Variants in SCAPER observed in about 807,000 individuals in gnomAD.
SCAPER encodes the protein S phase cyclin A-associated protein in the endoplasmic reticulum.
Under a neutral mutation model 182.2 loss-of-function variants are expected in SCAPER, and 98 were observed. The ratio of observed to expected loss-of-function variants is 0.54; its 90% CI spans 0.46 to 0.64. The LOEUF (loss-of-function observed/expected upper bound fraction) is 0.64. Ranked by LOEUF, SCAPER falls within the 30% of genes least tolerant of loss-of-function variation. SCAPER has a pLI of 0.00. For missense variants in SCAPER, 1,432 were observed against 1,690.0 expected, an observed-to-expected ratio of 0.85 and a Z score of 2.68; for synonymous variants, 605 against 564.6, an observed-to-expected ratio of 1.07 and a Z score of -1.01.
chr15:76,729,289 T>TACACACACACAC (rs1166540568), intron 16 of SCAPER, among the ~76,000 whole-genome samples: 1 of 101,746 alleles, frequency 9.8e-6, no homozygotes, highest in African/African-American at 4.5e-5. Context: ...CACATATATA[T>TACACACACACAC]ACACATACAC....
chr15:76,590,194 C>G (rs1257150673), intron 22 of SCAPER, among the ~76,000 whole-genome samples: 1 of 152,164 alleles, frequency 6.6e-6, no homozygotes, highest in East Asian at 1.9e-4. Flanking sequence ...GCAATTTAGT[C>G]CCGCCTCCTA....
chr15:76,824,058 AC>A (rs2067790634), intron 5 of SCAPER, among the ~76,000 whole-genome samples: 1 of 152,214 alleles, frequency 6.6e-6, no homozygotes, highest in African/African-American at 2.4e-5. Flanking sequence ...TCAGAGTGGT[AC>A]CACGCAGCTG....
At chr15:76,609,515 C>A (rs2050787247) in intron 22 of SCAPER, among the ~76,000 whole-genome samples, 1 of 152,084 alleles carries the variant, frequency 6.6e-6, no homozygotes, top group Non-Finnish European at 1.5e-5. Flanking sequence ...AAAAAATTAT[C>A]TCCCAGCTTA....
chr15:76,786,492 C>T (rs927004132), intron 8 of SCAPER, among the ~76,000 whole-genome samples: 1 of 152,128 alleles, frequency 6.6e-6, no homozygotes, highest in Non-Finnish European at 1.5e-5. Flanking sequence ...GTAACTTCCT[C>T]AACTTGATAA....
intron 15 of SCAPER, among the ~76,000 whole-genome samples, chr15:76,743,591 C>T (rs988460682): frequency 6.6e-6 from 1 of 151,510 alleles, no homozygotes; most frequent in Non-Finnish European, 1.5e-5. Flanking sequence ...TACAGCTAAC[C>T]AAAGAGGTGA....
intron 27 of SCAPER, among the ~76,000 whole-genome samples, chr15:76,394,717 G>A (rs1039472114): frequency 3.9e-5 from 6 of 152,086 alleles, no homozygotes; most frequent in African/African-American, 1.4e-4. Context: ...ATTTTTGTGG[G>A]TACACAGTAG....
In SCAPER at chr15:76,595,809, A is replaced by G. The variant is rs753648954; in HGVS notation, c.2712-21525T>C. On this transcript the variant is annotated intron_variant, in intron 22 of 31. Transcript: ENST00000563290. ...TTCCAGAATCTCTGGGACACTGCCA[A>G]AGCAGAGTTTAGAGGGAAATTTATA... 5.6e-4 allele frequency among the ~76,000 whole-genome samples: 69 copies of G among 122,738 alleles called. 21 individuals are homozygous for G. Among genetic ancestry groups the G allele is most frequent in the Non-Finnish European group, 1.1e-3 (57 of 50,468 alleles). 80.5% of individuals were successfully genotyped at this position (122,738 alleles called of 152,430 possible).
At chr15:76,770,612 T>C (rs1046535447) in intron 10 of SCAPER, among the ~76,000 whole-genome samples, 1 of 152,186 alleles carries the variant, frequency 6.6e-6, no homozygotes, top group Non-Finnish European at 1.5e-5. Flanking sequence ...AGTTTATATA[T>C]GTGATGAAAA....
chr15:76,900,932 T>C (rs1205063493), intron 1 of SCAPER, among the ~76,000 whole-genome samples: 1 of 152,360 alleles, frequency 6.6e-6, no homozygotes, highest in African/African-American at 2.4e-5. Context: ...CTGTCACCCA[T>C]GTTTTTGCCT....
chr15:76,486,541 C>T (rs1213366449), intron 24 of SCAPER, among the ~76,000 whole-genome samples: 1 of 151,824 alleles, frequency 6.6e-6, no homozygotes, highest in East Asian at 1.9e-4. Context: ...AAAAAGTAGG[C>T]GAAGGACATA....
chr15:76,596,997 T>C lies in SCAPER; in HGVS notation c.2712-22713A>G, dbSNP rs1334202976. ...GAGAAAGAAATAAAGAGTATTCAAA[T>C]AGGAAGAGAGGAAGTCAAATTGTCT... On this transcript the variant is annotated intron_variant, in intron 22 of 31. Transcript: ENST00000563290. Among the ~76,000 whole-genome samples, 4 of 121,264 alleles carry C rather than the reference T, an allele frequency of 3.3e-5. 1 individual carries two copies. The highest frequency in any genetic ancestry group is 1.0e-4 in the African/African-American group (4 of 39,604). 79.6% of individuals were successfully genotyped at this position (121,264 alleles called of 152,430 possible). A position where few individuals can be genotyped will look rare whatever the true frequency, so the allele number is the denominator to read the frequency against.
chr15:76,890,463 C>T (rs908860002), intron 1 of SCAPER, among the ~76,000 whole-genome samples: 1 of 151,856 alleles, frequency 6.6e-6, no homozygotes, highest in Non-Finnish European at 1.5e-5. Context: ...GAAATAGATG[C>T]AATAAAAAAT....
chr15:76,903,390 G>A (rs1285936637), intron 1 of SCAPER, among the ~76,000 whole-genome samples: 1 of 152,166 alleles, frequency 6.6e-6, no homozygotes, highest in Admixed American at 6.5e-5. Context: ...AAATTCTTGT[G>A]GAAATCCTAG....
intron 4 of SCAPER, among the ~76,000 whole-genome samples, chr15:76,856,535 CT>C (rs200075739): frequency 2.0e-4 from 30 of 150,812 alleles, no homozygotes; most frequent in African/African-American, 6.3e-4. Flanking sequence ...ATATTTTTAA[CT>C]TTTTTTACAT....
chr15:76,486,608 T>A (rs749490654), intron 24 of SCAPER, among the ~76,000 whole-genome samples: 24 of 152,064 alleles, frequency 1.6e-4, no homozygotes, highest in Non-Finnish European at 3.1e-4. Flanking sequence ...GAAAGAAAGC[T>A]CCTCATCACT....
intron 20 of SCAPER, among the ~76,000 whole-genome samples, chr15:76,682,451 G>A (rs562322329): frequency 6.6e-6 from 1 of 151,968 alleles, no homozygotes; most frequent in Non-Finnish European, 1.5e-5. Context: ...CTGCAAGCGC[G>A]AGTGCAAACA....
intron 8 of SCAPER, among the ~76,000 whole-genome samples, chr15:76,778,307 T>C (rs2063867913): frequency 6.6e-6 from 1 of 152,154 alleles, no homozygotes; most frequent in Admixed American, 6.5e-5. Flanking sequence ...AGGTAAGGTT[T>C]CTAAATTTCA....
chr15:76,748,302 T>C (rs1420943243), intron 15 of SCAPER, among the ~76,000 whole-genome samples: 1 of 152,090 alleles, frequency 6.6e-6, no homozygotes, highest in African/African-American at 2.4e-5. Context: ...AATATGGATA[T>C]TCTTATGCAA....
chr15:76,405,388 A>G (rs943232546), intron 26 of SCAPER, among the ~76,000 whole-genome samples: 10 of 152,166 alleles, frequency 6.6e-5, no homozygotes, highest in African/African-American at 2.4e-4. Flanking sequence ...AAGTGCTACA[A>G]TTACAGGCAT....
Sources: allele counts gnomAD v4.1 joint callset (sites outside exome capture counted in the v4.1 genomes callset), GRCh38; gene constraint gnomAD v4.1.1; transcripts MANE v1.5; gene names NCBI Gene and HGNC (gene_info 2026-07-23, HGNC 2026-07-21).